NBEA: variants seen among roughly 807,000 people sequenced by gnomAD.
NBEA encodes lysosomal-trafficking regulator 2.
A neutral mutation model predicts 343.4 loss-of-function variants in NBEA; 44 were observed. The ratio of observed to expected loss-of-function variants is 0.13; its 90% CI spans 0.10 to 0.16. The LOEUF (loss-of-function observed/expected upper bound fraction) is 0.16, where lower values mean the gene tolerates loss of function less well. Among genes scored for constraint, NBEA ranks in the 10% least tolerant of loss-of-function variants. The probability of loss-of-function intolerance (pLI) is 1.00; values close to 1 mark genes in which losing one functional copy is unlikely to be tolerated. For synonymous variants in NBEA, 1,175 were observed against 1,238.7 expected, an observed-to-expected ratio of 0.95 and a Z score of 1.08; for missense variants, 2,555 against 3,631.3, an observed-to-expected ratio of 0.70 and a Z score of 7.62.
chr13:35,124,681 CATGTATGGATATATATACACACATAT>C, intron 17 of NBEA, among the ~76,000 whole-genome samples: 1 of 150,404 alleles, frequency 6.6e-6, no homozygotes, highest in East Asian at 1.9e-4. Flanking sequence ...TATATATACA[CATGTATGGATATATATACACACATAT>C]ATGTATGGAT....
At chr13:35,075,334 C>T (rs879489897) in intron 10 of NBEA, among the ~76,000 whole-genome samples, 23 of 152,006 alleles carry the variant, frequency 1.5e-4, no homozygotes, top group South Asian at 1.0e-3. Flanking sequence ...TACTTTCTTC[C>T]GTGAGTTACT....
chr13:35,476,627 G>C, intron 41 of NBEA: 1 of 505,402 alleles, frequency 2.0e-6, no homozygotes, highest in Non-Finnish European at 3.6e-6. Context: ...AAAGTGTGCT[G>C]AGTGTGTGTC....
intron 38 of NBEA, among the ~76,000 whole-genome samples, chr13:35,383,650 A>G (rs1299000143): frequency 4.6e-5 from 7 of 152,098 alleles, no homozygotes; most frequent in Admixed American, 3.9e-4. Context: ...CTCCTAGCCC[A>G]GAGACAACAG....
chr13:35,199,152 A>G (rs2072840395), intron 31 of NBEA, among the ~76,000 whole-genome samples: 1 of 152,072 alleles, frequency 6.6e-6, no homozygotes, highest in Admixed American at 6.6e-5. Flanking sequence ...CATCCCCACA[A>G]GTGCTTCTGG....
chr13:35,178,274 A>G (rs1054780089), intron 28 of NBEA, among the ~76,000 whole-genome samples: 3 of 151,754 alleles, frequency 2.0e-5, no homozygotes, highest in Non-Finnish European at 3.0e-5. Flanking sequence ...TGATGTCCCA[A>G]TGAACCACTA....
intron 49 of NBEA, among the ~76,000 whole-genome samples, chr13:35,631,638 T>TAAAAAAAAAAAAAAAAAAAAA (rs59333937): frequency 5.5e-5 from 7 of 126,486 alleles, no homozygotes; most frequent in African/African-American, 2.1e-4. Flanking sequence ...GTCTCCTTTG[T>TAAAAAAAAAAAAAAAAAAAAA]AAAAAAAAAA....
At position 34,962,665 on chromosome 13, in the gene NBEA, A is replaced by G. The variant is rs2059696953; in HGVS notation, c.294+19551A>G. Among the ~76,000 whole-genome samples, 2 of 152,060 alleles carry G rather than the reference A, an allele frequency of 1.3e-5. 1 individual carries two copies. Among genetic ancestry groups the G allele is most frequent in the African/African-American group, 4.8e-5 (2 of 41,422 alleles). Reference sequence around the variant, plus strand: ...TATTATTTGCTATATTGTGTTTCTTAATGAAATAAACAACTGCTTTTTGTG... The same window carrying G: ...TATTATTTGCTATATTGTGTTTCTTGATGAAATAAACAACTGCTTTTTGTG... On this transcript the variant is annotated intron_variant, in intron 1 of 58. Transcript: ENST00000379939.
intron 39 of NBEA, among the ~76,000 whole-genome samples, chr13:35,448,581 G>A (rs527479923): frequency 6.6e-6 from 1 of 152,346 alleles, no homozygotes; most frequent in African/African-American, 2.4e-5. Flanking sequence ...AGTGTGCTAA[G>A]TACTGAGAAT....
chr13:35,002,142 G>A (rs941934594), intron 1 of NBEA, among the ~76,000 whole-genome samples: 1 of 152,100 alleles, frequency 6.6e-6, no homozygotes, highest in Non-Finnish European at 1.5e-5. Context: ...CCTCAGAATG[G>A]GAGCTCAGGG....
chr13:35,269,908 T>C (rs566772100), intron 34 of NBEA, among the ~76,000 whole-genome samples: 5 of 152,282 alleles, frequency 3.3e-5, no homozygotes, highest in Non-Finnish European at 7.4e-5. Flanking sequence ...CTTCTAAACT[T>C]AGAAGGATAA....
intron 41 of NBEA, among the ~76,000 whole-genome samples, chr13:35,531,345 T>A (rs1160414178): frequency 6.6e-6 from 1 of 152,210 alleles, no homozygotes; most frequent in African/African-American, 2.4e-5. Context: ...GAGAAACATT[T>A]TATCTTAATT....
At chr13:34,948,993 GTTT>G (rs989578911) in intron 1 of NBEA, among the ~76,000 whole-genome samples, 1 of 152,120 alleles carries the variant, frequency 6.6e-6, no homozygotes, top group African/African-American at 2.4e-5. Context: ...AAAGGCCTAA[GTTT>G]TTACCCCGTG....
intron 49 of NBEA, among the ~76,000 whole-genome samples, chr13:35,636,782 A>G (rs2083710326): frequency 6.6e-6 from 1 of 152,222 alleles, no homozygotes; most frequent in Non-Finnish European, 1.5e-5. Flanking sequence ...CCATTTAATG[A>G]TTAACCCCAA....
chr13:35,510,520 G>T (rs1449303432), intron 41 of NBEA, among the ~76,000 whole-genome samples: 1 of 152,148 alleles, frequency 6.6e-6, no homozygotes, highest in East Asian at 1.9e-4. Flanking sequence ...ACCTCGCTGG[G>T]ATGTGTGAGG....
intron 48 of NBEA, among the ~76,000 whole-genome samples, chr13:35,612,301 T>G (rs1393368131): frequency 1.3e-5 from 2 of 151,786 alleles, no homozygotes; most frequent in Non-Finnish European, 2.9e-5. Flanking sequence ...CCCGGCTAAT[T>G]TTTTGTATTT....
chr13:35,432,448 G>A, intron 39 of NBEA, 55 bp downstream of exon 39: 1 of 1,448,610 alleles, frequency 6.9e-7, no homozygotes, highest in African/African-American at 1.4e-5. Context: ...GTGACTCCTT[G>A]TGTTTGAGAA....
intron 30 of NBEA, among the ~76,000 whole-genome samples, chr13:35,189,700 C>T (rs771619062): frequency 1.8e-4 from 28 of 151,836 alleles, no homozygotes; most frequent in Non-Finnish European, 3.8e-4. Context: ...AGTGGAACTT[C>T]GGGAAGAGCA....
At chr13:35,429,836 C>CGTGT (rs1566121329) in intron 38 of NBEA, among the ~76,000 whole-genome samples, 2 of 52,040 alleles carry the variant, frequency 3.8e-5, no homozygotes, top group East Asian at 1.1e-3. Flanking sequence ...TGTGTGTGTA[C>CGTGT]ACACATTTTC....
chr13:35,630,624 A>G (rs931740212), intron 49 of NBEA, among the ~76,000 whole-genome samples: 5 of 152,172 alleles, frequency 3.3e-5, no homozygotes, highest in African/African-American at 1.2e-4. Context: ...CCAGAGTCAT[A>G]CTGTGAAATG....
Sources: gnomAD v4.1 joint callset for allele counts (sites outside exome capture counted in the v4.1 genomes callset) on GRCh38, gnomAD v4.1.1 for gene constraint, MANE v1.5 for transcripts, NCBI Gene and HGNC (gene_info 2026-07-23, HGNC 2026-07-21) for gene names.